The following DENND5B variants were observed in gnomAD, a reference collection of about 807,000 sequenced individuals.
DENND5B encodes DENN domain containing 5B, also known as DENN domain-containing protein 5B.
DENND5B carries 34 observed loss-of-function variants against 140.6 expected under a neutral mutation model. That is an observed-to-expected ratio of 0.24 (90% CI 0.18 to 0.32). The LOEUF (loss-of-function observed/expected upper bound fraction) is 0.32, where lower values mean the gene tolerates loss of function less well. DENND5B is among the 10% of genes least tolerant of loss of function. The probability of loss-of-function intolerance (pLI) is 1.00; values close to 1 mark genes in which losing one functional copy is unlikely to be tolerated. For synonymous variants in DENND5B, 551 were observed against 562.1 expected, an observed-to-expected ratio of 0.98 and a Z score of 0.28; for missense variants, 1,142 against 1,560.2, an observed-to-expected ratio of 0.73 and a Z score of 4.52.
chr12:31,500,478 G>A (rs559082009), intron 1 of DENND5B: 6 of 428,396 alleles, frequency 1.4e-5, no homozygotes, highest in East Asian at 1.5e-4. Context: ...TCAGGAGTTC[G>A]AGACCAGCCT....
In DENND5B at chr12:31,408,023, C is replaced by G. The variant is rs147458935; in HGVS notation, c.2803+1240G>C. On this transcript the variant is annotated intron_variant, in intron 14 of 20. Coordinates refer to ENST00000389082, the MANE Select transcript of DENND5B (RefSeq NM_144973.4). The stretch of plus-strand genomic sequence containing the variant: ...AAAAAATACATCTCTTGGACAGGCT[C>G]AGTGGCTCACACCTGTAATCCTAGC... Among the ~76,000 whole-genome samples the G allele has an allele frequency of 3.3e-3, 500 of 152,324 alleles. 4 individuals are homozygous for G. Among genetic ancestry groups the G allele is most frequent in the African/African-American group, 0.011 (463 of 41,586 alleles).
In DENND5B at chr12:31,383,669, C is replaced by CT. The variant is rs1940728311; in HGVS notation, c.*3933dup. 6.6e-6 allele frequency: 1 copy of CT among 152,098 alleles called. No homozygotes were observed. The highest frequency in any genetic ancestry group is 1.5e-5 in the Non-Finnish European group (1 of 68,028). The allele number at this position is 152,098 out of a possible 1,614,324, so 9.4% of individuals were successfully genotyped here. A position where few individuals can be genotyped will look rare whatever the true frequency, so the allele number is the denominator to read the frequency against. On this transcript the variant is annotated 3_prime_UTR_variant, in exon 21 of 21. Transcript: ENST00000389082. ...GGAGGTTTTTGTCCTCAGTAGCCTG[C>CT]TTTTTCCCACGTAGGACTCCACTTT...
At chr12:31,589,878 C>CT (rs1418354526) in intron 1 of DENND5B, 1 of 152,384 alleles carries the variant, frequency 6.6e-6, no homozygotes, top group Admixed American at 6.5e-5. Context: ...GCCCATCGCC[C>CT]TTTAGCGGCC....
At chr12:31,446,622 C>T (rs1341334890) in intron 6 of DENND5B, among the ~76,000 whole-genome samples, 2 of 152,100 alleles carry the variant, frequency 1.3e-5, no homozygotes, top group African/African-American at 2.4e-5. Context: ...TAAGGCCGGG[C>T]GCAGTGGCTC....
chr12:31,417,250 G>A (rs1441425487), intron 11 of DENND5B, among the ~76,000 whole-genome samples: 37 of 150,450 alleles, frequency 2.5e-4, no homozygotes, highest in African/African-American at 8.6e-4. Context: ...CCAGCTACTC[G>A]GGAGGCTGAG....
intron 2 of DENND5B, among the ~76,000 whole-genome samples, chr12:31,481,360 C>G (rs1946061207): frequency 6.6e-6 from 1 of 152,106 alleles, no homozygotes; most frequent in Admixed American, 6.6e-5. Context: ...GTGGGAAGGA[C>G]AGACATGGCC....
intron 19 of DENND5B, 33 bp from the exon 20 acceptor site, chr12:31,389,531 T>C (rs1428004800): frequency 1.9e-6 from 3 of 1,543,160 alleles, no homozygotes; most frequent in Non-Finnish European, 2.6e-6. Context: ...TGTCACAATA[T>C]GTGTCAACAC....
chr12:31,505,916 C>T (rs1023185349), intron 1 of DENND5B, among the ~76,000 whole-genome samples: 6 of 152,146 alleles, frequency 3.9e-5, no homozygotes, highest in Admixed American at 1.3e-4. Flanking sequence ...CTTACTGCTG[C>T]CTGGACCTCC....
At chr12:31,412,255 G>A (rs866250582) in intron 13 of DENND5B, among the ~76,000 whole-genome samples, 2 of 151,890 alleles carry the variant, frequency 1.3e-5, no homozygotes, top group Non-Finnish European at 2.9e-5. Flanking sequence ...ACCTCGAAGA[G>A]GGTTTCTTGA....
intron 1 of DENND5B, among the ~76,000 whole-genome samples, chr12:31,524,602 G>A (rs1346687555): frequency 6.6e-6 from 1 of 152,068 alleles, no homozygotes; most frequent in South Asian, 2.1e-4. Context: ...GCAGTGACCT[G>A]AGACTGCACC....
chr12:31,507,309 T>C (rs771289769), intron 1 of DENND5B, among the ~76,000 whole-genome samples: 3 of 152,290 alleles, frequency 2.0e-5, no homozygotes, highest in Middle Eastern at 3.4e-3. Context: ...GATGAGTTTT[T>C]ATTTCTATTT....
At position 31,392,761 on chromosome 12, in the gene DENND5B, A is replaced by T. The variant is rs141768890; in HGVS notation, c.3257-65T>A. 1.4e-4 allele frequency: 203 copies of T among 1,422,628 alleles called. No individual in the cohort carries two copies. In the East Asian group the frequency reaches 4.8e-3, roughly 34 times the overall value. The allele number at this position is 1,422,628 out of a possible 1,614,324, so 88.1% of individuals were successfully genotyped here. A position where few individuals can be genotyped will look rare whatever the true frequency, so the allele number is the denominator to read the frequency against. On this transcript the variant is annotated intron_variant, in intron 17 of 20. Coordinates refer to ENST00000389082, the MANE Select transcript of DENND5B (RefSeq NM_144973.4). ...GAAATAAACCAAAGTACTATGGGAC[A>T]TCAACTGTGTCCACCTAGGCAGGAA...
intron 1 of DENND5B, among the ~76,000 whole-genome samples, chr12:31,550,586 G>C (rs1285991759): frequency 6.6e-6 from 1 of 151,882 alleles, no homozygotes; most frequent in East Asian, 1.9e-4. Flanking sequence ...AGCCAGTAAT[G>C]GGATGTCTGG....
intron 4 of DENND5B, among the ~76,000 whole-genome samples, chr12:31,454,696 G>A (rs957867214): frequency 2.6e-5 from 4 of 151,794 alleles, no homozygotes; most frequent in African/African-American, 9.7e-5. Context: ...ACCTGCCTCA[G>A]CCTCTCACAG....
chr12:31,532,811 T>C (rs1004686828), intron 1 of DENND5B, among the ~76,000 whole-genome samples: 22 of 152,336 alleles, frequency 1.4e-4, no homozygotes, highest in Admixed American at 1.4e-3. Flanking sequence ...TGGTTTGAAA[T>C]GAAAGCATGT....
chr12:31,509,349 G>C (rs1947322982), intron 1 of DENND5B, among the ~76,000 whole-genome samples: 1 of 152,162 alleles, frequency 6.6e-6, no homozygotes, highest in Non-Finnish European at 1.5e-5. Context: ...GGCCAAGTGT[G>C]GCAGCTCACG....
In DENND5B at chr12:31,392,286, G is replaced by C. The variant is rs191224115; in HGVS notation, c.3447C>G (p.Val1149=). The C allele has an allele frequency of 4.3e-6, 7 of 1,613,818 alleles. No homozygotes were observed. The highest frequency in any genetic ancestry group is 2.2e-5 in the South Asian group (2 of 91,040). ...ATTTACCTATGAAGTCCCAGATGAAGACATTCTTGTGAAAGATGCGGGCAG... is the reference window on the plus strand; with the variant it reads ...ATTTACCTATGAAGTCCCAGATGAACACATTCTTGTGAAAGATGCGGGCAG... ...FKSARIFHKN[V]FIWDFIEKVV... Residue 1149 remains valine (V), a synonymous_variant, in exon 19 of 21, where the codon GTC becomes GTG. Transcript: ENST00000389082.
chr12:31,426,461 T>C (rs1470321936), intron 8 of DENND5B, 37 bp from the exon 9 acceptor site: 2 of 1,585,192 alleles, frequency 1.3e-6, no homozygotes, highest in Non-Finnish European at 1.7e-6. Flanking sequence ...GCGTAAACAT[T>C]AGCTATTCTT....
At chr12:31,556,905 T>A (rs10843967) in intron 1 of DENND5B, among the ~76,000 whole-genome samples, 27,898 of 152,080 alleles carry the variant, frequency 0.18, 3,558 homozygotes, top group Admixed American at 0.39. Flanking sequence ...CTTGAAGGAA[T>A]CATTAAAAAT....
Sources: gnomAD v4.1 joint callset for allele counts (sites outside exome capture counted in the v4.1 genomes callset) on GRCh38, gnomAD v4.1.1 for gene constraint, MANE v1.5 for transcripts, NCBI Gene and HGNC (gene_info 2026-07-23, HGNC 2026-07-21) for gene names.